Variants in FRS2 observed in about 807,000 individuals in gnomAD.
The protein encoded by FRS2 is fibroblast growth factor receptor substrate 2.
Under a neutral mutation model 43.9 loss-of-function variants are expected in FRS2, and 8 were observed. The observed-to-expected ratio is 0.18, with a 90% confidence interval of 0.11 to 0.33. The LOEUF is 0.33. FRS2 is among the 10% of genes least tolerant of loss of function. FRS2 has a pLI of 1.00. For missense variants in FRS2, 534 were observed against 627.6 expected, an observed-to-expected ratio of 0.85 and a Z score of 1.59; for synonymous variants, 219 against 220.3, an observed-to-expected ratio of 0.99 and a Z score of 0.05.
At chr12:69,566,472 A>T (rs554622993) in intron 4 of FRS2, among the ~76,000 whole-genome samples, 16 of 152,198 alleles carry the variant, frequency 1.1e-4, no homozygotes, top group South Asian at 4.1e-4. Flanking sequence ...ACTATTTTTT[A>T]AAAAATTAAA....
chr12:69,525,413 T>G (rs1876117782), intron 1 of FRS2, among the ~76,000 whole-genome samples: 1 of 152,192 alleles, frequency 6.6e-6, no homozygotes, highest in African/African-American at 2.4e-5. Flanking sequence ...CTATGTGCTC[T>G]GTGATCTGCA....
intron 1 of FRS2, among the ~76,000 whole-genome samples, chr12:69,487,992 A>G (rs1195532980): frequency 1.3e-5 from 2 of 152,242 alleles, no homozygotes; most frequent in Non-Finnish European, 2.9e-5. Context: ...CTCATGGTCA[A>G]ACTTTAACGG....
intron 3 of FRS2, among the ~76,000 whole-genome samples, chr12:69,545,629 C>T (rs747295782): frequency 7.2e-5 from 11 of 151,832 alleles, no homozygotes; most frequent in Non-Finnish European, 1.2e-4. Flanking sequence ...TGGTGGCAGA[C>T]GCCTGTAATC....
intron 1 of FRS2, among the ~76,000 whole-genome samples, chr12:69,473,193 TTAA>T (rs1870464460): frequency 6.6e-6 from 1 of 152,224 alleles, no homozygotes; most frequent in African/African-American, 2.4e-5. Context: ...TGTAAGTACC[TTAA>T]TAATGAGGAC....
chr12:69,509,376 C>T (rs1874251151), intron 1 of FRS2, among the ~76,000 whole-genome samples: 1 of 152,162 alleles, frequency 6.6e-6, no homozygotes, highest in Non-Finnish European at 1.5e-5. Flanking sequence ...CTTCACTGTC[C>T]CTACAATACC....
chr12:69,566,612 G>A (rs1049359669), intron 4 of FRS2, among the ~76,000 whole-genome samples: 1 of 90,688 alleles, frequency 1.1e-5, no homozygotes, highest in Non-Finnish European at 2.0e-5. Flanking sequence ...CGTCTTGGGG[G>A]ATTTAAAAAA....
chr12:69,527,343 ATTT>A (rs1166365306), intron 1 of FRS2, among the ~76,000 whole-genome samples: 35 of 84,234 alleles, frequency 4.2e-4, no homozygotes, highest in African/African-American at 8.5e-4. Context: ...TTTTTTAATG[ATTT>A]TTTTTTTTTT....
chr12:69,474,899 A>G (rs1021108931), intron 1 of FRS2, among the ~76,000 whole-genome samples: 2 of 152,244 alleles, frequency 1.3e-5, no homozygotes, highest in Admixed American at 1.3e-4. Flanking sequence ...TGCTTTTTAT[A>G]GAAAATGGCA....
chr12:69,559,207 T>C (rs546609602), intron 3 of FRS2, among the ~76,000 whole-genome samples: 1 of 152,336 alleles, frequency 6.6e-6, no homozygotes, highest in East Asian at 1.9e-4. Context: ...ACAGTTTAAA[T>C]ATACATAAGC....
intron 1 of FRS2, among the ~76,000 whole-genome samples, chr12:69,512,975 T>A (rs1874599757): frequency 6.6e-6 from 1 of 152,188 alleles, no homozygotes; most frequent in Non-Finnish European, 1.5e-5. Context: ...AAAAGGAAGA[T>A]GTCTTAATGA....
intron 1 of FRS2, among the ~76,000 whole-genome samples, chr12:69,477,861 C>T (rs1592905632): frequency 6.6e-6 from 1 of 151,456 alleles, no homozygotes; most frequent in South Asian, 2.1e-4. Context: ...CTGCCTCAGC[C>T]TCCCGAATAG....
At chr12:69,557,849 T>A (rs1723828526) in intron 3 of FRS2, 1 of 152,178 alleles carries the variant, frequency 6.6e-6, no homozygotes, top group South Asian at 2.1e-4. Flanking sequence ...TGACCAACAC[T>A]ACTAAAGGTA....
chr12:69,553,794 T>C (rs769138996), intron 3 of FRS2, among the ~76,000 whole-genome samples: 3 of 152,074 alleles, frequency 2.0e-5, no homozygotes, highest in Non-Finnish European at 4.4e-5. Flanking sequence ...AGAAAAACTT[T>C]GGGAACATAT....
At chr12:69,542,589 T>C (rs1878014872) in intron 3 of FRS2, among the ~76,000 whole-genome samples, 1 of 152,218 alleles carries the variant, frequency 6.6e-6, no homozygotes, top group Non-Finnish European at 1.5e-5. Flanking sequence ...TGTTTGTAGC[T>C]AAACCATTAT....
chr12:69,524,274 G>A (rs1875981436), intron 1 of FRS2, among the ~76,000 whole-genome samples: 1 of 152,148 alleles, frequency 6.6e-6, no homozygotes, highest in African/African-American at 2.4e-5. Context: ...AGGCATGGCA[G>A]GGTGCAGACA....
chr12:69,505,017 TTGTAC>T (rs879569159), intron 1 of FRS2, among the ~76,000 whole-genome samples: 3 of 152,180 alleles, frequency 2.0e-5, no homozygotes, highest in Non-Finnish European at 4.4e-5. Flanking sequence ...TTGTATTGTA[TTGTAC>T]TGTACTGTAC....
Position 69,509,525 on chromosome 12 carries a change from C to T in FRS2, c.-260-21340C>T, listed in dbSNP as rs143119089. Among the ~76,000 whole-genome samples, 894 of 152,222 alleles carry T rather than the reference C, an allele frequency of 5.9e-3. 8 individuals carry two copies. Among genetic ancestry groups the T allele is most frequent in the Middle Eastern group, 0.01 (3 of 294 alleles). ...TAAGTACATTAGTGTGCAATAATCA[C>T]CACTATTCATCTCCAGAACTTTTTC... On this transcript the variant is annotated intron_variant, in intron 1 of 8. Transcript: ENST00000549921.
At chr12:69,536,205 A>G (rs1428500685) in intron 3 of FRS2, among the ~76,000 whole-genome samples, 6 of 125,472 alleles carry the variant, frequency 4.8e-5, no homozygotes, top group African/African-American at 1.5e-4. Context: ...GCTCACTGCA[A>G]CCTCCATCTC....
rs1877721998 is a variant in FRS2, at chr12:69,539,947, T to C, written c.-122+7891T>C. ...TCCAGCCTGGGCGACAGTGCGGGAC[T>C]CCGTCTCAAAAAAATAAAAATAAAC... is the stretch of plus-strand genomic sequence containing the variant. On this transcript the variant is annotated intron_variant, in intron 3 of 8. Transcript: ENST00000549921. Among the ~76,000 whole-genome samples, 3 of 149,770 alleles carry C rather than the reference T, an allele frequency of 2.0e-5. No individual in the cohort carries two copies. In the South Asian group the frequency reaches 6.3e-4, roughly 32 times the overall value.
Sources: allele counts gnomAD v4.1 joint callset (sites outside exome capture counted in the v4.1 genomes callset), GRCh38; gene constraint gnomAD v4.1.1; transcripts MANE v1.5; gene names NCBI Gene and HGNC (gene_info 2026-07-23, HGNC 2026-07-21).